ANKAR: variants seen among roughly 807,000 people sequenced by gnomAD.
ANKAR encodes ankyrin and armadillo repeat-containing protein.
In ANKAR, 136 loss-of-function variants were observed where a neutral mutation model predicts 146.2. That is an observed-to-expected ratio of 0.93 (90% CI 0.81 to 1.07). ANKAR has a LOEUF of 1.07. Among genes scored for constraint, ANKAR ranks in the 50% least tolerant of loss-of-function variants. The pLI is 0.00. For synonymous variants in ANKAR, 500 were observed against 575.8 expected, an observed-to-expected ratio of 0.87 and a Z score of 1.88; for missense variants, 1,567 against 1,679.9, an observed-to-expected ratio of 0.93 and a Z score of 1.18.
rs547531575 is a variant in ANKAR at position 189,720,906 on chromosome 2, C to T, written c.2635+119C>T. On this transcript the variant is annotated intron_variant, in intron 12 of 22. Transcript: ENST00000684021. The stretch of plus-strand genomic sequence containing the variant: ...GAATCTGTGTTTGAATAGATCTAAA[C>T]GTGTAATATAACCTTAATATCCAAA... 484 of 765,738 alleles carry T rather than the reference C, an allele frequency of 6.3e-4. 5 individuals are homozygous for T. Among genetic ancestry groups the T allele is most frequent in the Non-Finnish European group, 1.2e-4 (63 of 533,892 alleles). The allele number at this position is 765,738 out of a possible 1,614,324, so 47.4% of individuals were successfully genotyped here.
rs142853119 is a variant in ANKAR, at chr2:189,690,828, C to T, written c.1039+864C>T. ...GTAGGAGGGACTTGCTTAAAGAGAA[C>T]GTTAACTATATCTGCAATATCTTAT... On this transcript the variant is annotated intron_variant, in intron 3 of 22. Transcript: ENST00000684021. 1.6e-3 allele frequency among the ~76,000 whole-genome samples: 237 copies of T among 152,180 alleles called. 1 individual carries two copies. Among genetic ancestry groups the T allele is most frequent in the African/African-American group, 5.3e-3 (219 of 41,504 alleles).
At position 189,693,184 on chromosome 2, in the gene ANKAR, A is replaced by G; in HGVS notation, c.1307+7A>G. 1.3e-6 allele frequency: 2 copies of G among 1,505,562 alleles called. No homozygotes were observed. The highest frequency in any genetic ancestry group is 1.8e-6 in the Non-Finnish European group (2 of 1,103,506). The allele number at this position is 1,505,562 out of a possible 1,614,324, so 93.3% of individuals were successfully genotyped here. On this transcript the variant is annotated splice_region_variant and intron_variant, in intron 5 of 22. Coordinates refer to ENST00000684021, the MANE Select transcript of ANKAR (RefSeq NM_001378068.1). ...TGGAATTTCATGGAAAAAGGTACGG[A>G]GCTTTCACTAATTACTGACATTAAC...
At chr2:189,735,599 C>T (rs533820765) in intron 17 of ANKAR, among the ~76,000 whole-genome samples, 1 of 152,284 alleles carries the variant, frequency 6.6e-6, no homozygotes, top group East Asian at 1.9e-4. Context: ...GAATGAATAG[C>T]TATCTTATGG....
intron 18 of ANKAR, among the ~76,000 whole-genome samples, chr2:189,755,852 G>T (rs933180933): frequency 1.3e-5 from 2 of 152,158 alleles, no homozygotes; most frequent in Non-Finnish European, 2.9e-5. Context: ...TACAAGTTTT[G>T]AGCATGGGAA....
chr2:189,675,099 A>G (rs533052006), intron 1 of ANKAR, among the ~76,000 whole-genome samples: 2 of 152,280 alleles, frequency 1.3e-5, no homozygotes, highest in East Asian at 1.9e-4. Context: ...ACTAAAACGC[A>G]TATTTTCTGG....
intron 10 of ANKAR, among the ~76,000 whole-genome samples, chr2:189,716,592 TA>T (rs1452288057): frequency 6.6e-6 from 1 of 151,534 alleles, no homozygotes; most frequent in Non-Finnish European, 1.5e-5. Context: ...AAAACTACTT[TA>T]AAGTTCATAT....
intron 18 of ANKAR, chr2:189,754,432 C>A: frequency 2.4e-6 from 3 of 1,269,230 alleles, no homozygotes; most frequent in African/African-American, 1.5e-5. Flanking sequence ...AAATTACTAA[C>A]AAAACAAAAA....
At chr2:189,682,492 A>G (rs2034877689) in intron 2 of ANKAR, among the ~76,000 whole-genome samples, 1 of 152,172 alleles carries the variant, frequency 6.6e-6, no homozygotes, top group African/African-American at 2.4e-5. Flanking sequence ...TGGCAGTAGC[A>G]GGAATAGGCA....
chr2:189,750,495 C>T, downstream of ANKAR: 1 of 692,092 alleles, frequency 1.4e-6, no homozygotes, highest in Non-Finnish European at 2.5e-6. Flanking sequence ...TATTATATAT[C>T]TTCTACAATT....
intron 12 of ANKAR, among the ~76,000 whole-genome samples, chr2:189,722,228 A>G (rs531569189): frequency 6.6e-6 from 1 of 151,218 alleles, no homozygotes; most frequent in South Asian, 2.1e-4. Flanking sequence ...AATCCCAGCT[A>G]CTTGGGAGGC....
intron 2 of ANKAR, among the ~76,000 whole-genome samples, chr2:189,678,100 T>C (rs2034038270): frequency 6.6e-6 from 1 of 152,132 alleles, no homozygotes; most frequent in Non-Finnish European, 1.5e-5. Flanking sequence ...CATGCCGACA[T>C]GTATTATTTT....
chr2:189,739,035 T>G (rs1030639058), intron 19 of ANKAR, among the ~76,000 whole-genome samples: 2 of 152,258 alleles, frequency 1.3e-5, no homozygotes, highest in African/African-American at 4.8e-5. Context: ...TTTACACAGA[T>G]GTACCTCTGT....
intron 10 of ANKAR, among the ~76,000 whole-genome samples, chr2:189,715,806 T>C (rs991065788): frequency 1.3e-4 from 20 of 152,166 alleles, no homozygotes; most frequent in African/African-American, 4.8e-4. Context: ...ATAAATGTAA[T>C]CCATCACATA....
In ANKAR at chr2:189,696,133, G is replaced by A; in HGVS notation, c.1489-17G>A. The stretch of plus-strand genomic sequence containing the variant: ...AGGTGCATTTTGATAAACTGATTCT[G>A]GCCTTCTTAATTTTAGAGTATTCCA... On this transcript the variant is annotated splice_polypyrimidine_tract_variant and intron_variant, in intron 6 of 22. Transcript: ENST00000684021. 6.2e-7 allele frequency: 1 copy of A among 1,610,468 alleles called. No individual in the cohort carries two copies. The highest frequency in any genetic ancestry group is 8.5e-7 in the Non-Finnish European group (1 of 1,178,132).
At chr2:189,690,009 TAAATATATG>T in intron 3 of ANKAR, 45 bp downstream of exon 3, 2 of 1,321,268 alleles carry the variant, frequency 1.5e-6, no homozygotes, top group Middle Eastern at 2.7e-4. Context: ...AGGTATATAT[TAAATATATG>T]TTTAAATGCA....
intron 1 of ANKAR, among the ~76,000 whole-genome samples, 162 bp downstream of exon 1, chr2:189,674,992 T>C (rs139826419): frequency 7.9e-5 from 12 of 152,176 alleles, no homozygotes; most frequent in African/African-American, 2.7e-4. Context: ...GTCTCCGTTT[T>C]TGCCTCTATA....
At chr2:189,681,400 C>G (rs2034643476) in intron 2 of ANKAR, among the ~76,000 whole-genome samples, 1 of 152,194 alleles carries the variant, frequency 6.6e-6, no homozygotes, top group African/African-American at 2.4e-5. Context: ...GGCCCAGGAT[C>G]TGGTCTATTT....
downstream of ANKAR, chr2:189,762,684 C>G: frequency 1.0e-6 from 1 of 985,404 alleles, no homozygotes; most frequent in South Asian, 4.7e-5. Context: ...ATTTCACCCA[C>G]CTTCCACTTG....
At chr2:189,717,273 A>G (rs1431566081) in intron 10 of ANKAR, among the ~76,000 whole-genome samples, 1 of 152,210 alleles carries the variant, frequency 6.6e-6, no homozygotes, top group Non-Finnish European at 1.5e-5. Context: ...AAAAGCGGGC[A>G]AAGGATATGA....
Sources: allele counts gnomAD v4.1 joint callset (sites outside exome capture counted in the v4.1 genomes callset), GRCh38; gene constraint gnomAD v4.1.1; transcripts MANE v1.5; gene names NCBI Gene and HGNC (gene_info 2026-07-23, HGNC 2026-07-21).